DOCK8: variants seen among roughly 807,000 people sequenced by gnomAD.
DOCK8 encodes the protein dedicator of cytokinesis protein 8.
Under a neutral mutation model 245.6 loss-of-function variants are expected in DOCK8, and 141 were observed. That is an observed-to-expected ratio of 0.57 (90% CI 0.50 to 0.66). The LOEUF is 0.66. DOCK8 is among the 30% of genes least tolerant of loss of function. DOCK8 has a pLI of 0.00. For synonymous variants in DOCK8, 1,168 were observed against 970.2 expected (o/e 1.20, Z -3.79); for missense variants, 2,965 against 2,603.4 (o/e 1.14, Z -3.02).
At chr9:448,881 C>G (rs542140753) in intron 44 of DOCK8, among the ~76,000 whole-genome samples, 2 of 152,204 alleles carry the variant, frequency 1.3e-5, no homozygotes, top group South Asian at 4.1e-4. Context: ...TCAGAAAAGA[C>G]TCTACCCCAA....
intron 1 of DOCK8, among the ~76,000 whole-genome samples, chr9:232,049 T>C (rs2047130125): frequency 1.3e-5 from 2 of 152,194 alleles, no homozygotes; most frequent in African/African-American, 4.8e-5. Context: ...AGATAGCTCT[T>C]ATTATTTTGA....
In DOCK8 at chr9:382,615, G is replaced by A. The variant is rs763492436; in HGVS notation, c.2708G>A (p.Ser903Asn). The change falls in exon 22 of 48, where the codon AGC (serine) becomes AAC (asparagine). Residue 903 changes from serine (S) to asparagine (N), a missense_variant. Ser to Asn is a conservative substitution (Grantham distance 46). Around this residue, in one of 3 missense-constraint regions of DOCK8, gnomAD observed 2,825 missense variants for 2,453.5 expected, o/e 1.15. Transcript: ENST00000432829. ...CTGCTGCAGGCCCGGGTGATGAGCA[G>A]CAGTAACCCAGACCTCGCGGGGACA... ...SKLLQARVMSSSNPDLAGTHS... is the reference protein window; with the variant it reads ...SKLLQARVMSNSNPDLAGTHS... 1 of 1,614,060 alleles carries A rather than the reference G, an allele frequency of 6.2e-7. No homozygotes were observed. Among genetic ancestry groups the A allele is most frequent in the Non-Finnish European group, 8.5e-7 (1 of 1,180,044 alleles).
In DOCK8 at chr9:325,844, G is replaced by A; in HGVS notation, c.894+107G>A. ...CAGCAAGAACCTATCAGATTTGAAAGCAAATGATCTTTGATGAGTCCAGTT... is the reference window on the plus strand; with the variant it reads ...CAGCAAGAACCTATCAGATTTGAAAACAAATGATCTTTGATGAGTCCAGTT... On this transcript the variant is annotated intron_variant, in intron 8 of 47. Transcript: ENST00000432829. The A allele has an allele frequency of 2.7e-6, 3 of 1,092,418 alleles. No homozygotes were observed. In the South Asian group the frequency reaches 3.8e-5, roughly 14 times the overall value. 67.7% of individuals were successfully genotyped at this position (1,092,418 alleles called of 1,614,324 possible).
At chr9:310,623 T>G (rs763766485) in intron 5 of DOCK8, among the ~76,000 whole-genome samples, 1 of 152,170 alleles carries the variant, frequency 6.6e-6, no homozygotes, top group Non-Finnish European at 1.5e-5. Context: ...CATGCCCAGC[T>G]AATTGTTTTG....
At chr9:337,397 G>T (rs1016263011) in intron 12 of DOCK8, among the ~76,000 whole-genome samples, 9 of 152,174 alleles carry the variant, frequency 5.9e-5, no homozygotes, top group African/African-American at 1.9e-4. Context: ...CTGAGAGAAG[G>T]GTTAGGTTTT....
chr9:343,248 C>T (rs1216371864), intron 14 of DOCK8, among the ~76,000 whole-genome samples: 5 of 152,106 alleles, frequency 3.3e-5, no homozygotes, highest in East Asian at 3.9e-4. Flanking sequence ...ACTGTAACCC[C>T]GCTGCTTTGG....
At chr9:295,918 G>C (rs978937168) in intron 4 of DOCK8, among the ~76,000 whole-genome samples, 1 of 152,192 alleles carries the variant, frequency 6.6e-6, no homozygotes, top group Non-Finnish European at 1.5e-5. Context: ...ATGAAGGATA[G>C]AGGAAATTTT....
chr9:314,132 C>G (rs1341361135), intron 6 of DOCK8, among the ~76,000 whole-genome samples: 2 of 152,204 alleles, frequency 1.3e-5, no homozygotes, highest in Non-Finnish European at 2.9e-5. Context: ...ATATGACTAC[C>G]TGGTATGTTG....
At chr9:364,675 A>G (rs10814239) in intron 14 of DOCK8, among the ~76,000 whole-genome samples, 47,610 of 150,250 alleles carry the variant, frequency 0.32, 9,224 homozygotes, top group African/African-American at 0.55. Flanking sequence ...AATGTGTAGA[A>G]GGGAAAAGGC....
chr9:410,981 A>G (rs1459737706), intron 28 of DOCK8, among the ~76,000 whole-genome samples: 3 of 152,262 alleles, frequency 2.0e-5, no homozygotes, highest in East Asian at 3.8e-4. Context: ...CCTAGATTAA[A>G]TGGATAAATT....
intron 1 of DOCK8, among the ~76,000 whole-genome samples, chr9:219,558 A>C (rs1297381732): frequency 1.3e-5 from 2 of 152,204 alleles, no homozygotes; most frequent in Non-Finnish European, 2.9e-5. Flanking sequence ...AGACAAAAAC[A>C]AGGTGGCAAG....
chr9:290,416 T>G (rs2048990570), intron 4 of DOCK8, among the ~76,000 whole-genome samples: 1 of 152,208 alleles, frequency 6.6e-6, no homozygotes, highest in African/African-American at 2.4e-5. Context: ...TGTTGTCTTC[T>G]AATTCTGATG....
At chr9:361,852 T>A (rs560261915) in intron 14 of DOCK8, among the ~76,000 whole-genome samples, 1 of 152,216 alleles carries the variant, frequency 6.6e-6, no homozygotes, top group Non-Finnish European at 1.5e-5. Context: ...ATTTTCTAGC[T>A]GCTAACCTTC....
At position 347,544 on chromosome 9, in the gene DOCK8, A is replaced by G. The variant is rs138040524; in HGVS notation, c.1679+7223A>G. 8.8e-3 allele frequency among the ~76,000 whole-genome samples: 1,336 copies of G among 152,302 alleles called. 19 individuals carry two copies. The highest frequency in any genetic ancestry group is 0.031 in the African/African-American group (1,279 of 41,538). ...AAAACTCTGTCCTAAGTATCAGATG[A>G]TGCGGAAGCCCAGTACTTGGTTTTA... On this transcript the variant is annotated intron_variant, in intron 14 of 47. Coordinates refer to ENST00000432829, the MANE Select transcript of DOCK8 (RefSeq NM_203447.4).
intron 10 of DOCK8, among the ~76,000 whole-genome samples, chr9:332,869 G>A (rs946763472): frequency 1.3e-5 from 2 of 151,870 alleles, no homozygotes; most frequent in Non-Finnish European, 2.9e-5. Context: ...TGTTGCCCAG[G>A]CTGCTCTCAT....
At chr9:386,908 A>T (rs1009233029) in intron 23 of DOCK8, among the ~76,000 whole-genome samples, 1 of 152,256 alleles carries the variant, frequency 6.6e-6, no homozygotes, top group African/African-American at 2.4e-5. Flanking sequence ...CTAATATGAA[A>T]TGCTTCCTCA....
chr9:243,010 A>G (rs566820788), intron 1 of DOCK8, among the ~76,000 whole-genome samples: 2 of 152,288 alleles, frequency 1.3e-5, no homozygotes, highest in South Asian at 2.1e-4. Flanking sequence ...TTTTCATTAG[A>G]GCAGGCCAAC....
intron 14 of DOCK8, among the ~76,000 whole-genome samples, chr9:360,826 A>G (rs190348824): frequency 1.3e-5 from 2 of 152,266 alleles, no homozygotes; most frequent in East Asian, 3.9e-4. Context: ...AATGGATTTT[A>G]GTCACTAAAT....
chr9:365,735 T>C (rs557079019), intron 14 of DOCK8: 1 of 433,526 alleles, frequency 2.3e-6, no homozygotes, highest in Non-Finnish European at 4.5e-6. Context: ...ATCTCAGCTC[T>C]CTGCCTCCAG....
Sources: allele counts gnomAD v4.1 joint callset (sites outside exome capture counted in the v4.1 genomes callset), GRCh38; gene constraint gnomAD v4.1.1; regional missense constraint gnomAD v4.1.1; transcripts MANE v1.5; gene names NCBI Gene and HGNC (gene_info 2026-07-23, HGNC 2026-07-21).